Variants in TSACC observed in about 807,000 individuals in gnomAD.
TSACC encodes the protein TSSK6-activating co-chaperone protein.
Under a neutral mutation model 6.9 loss-of-function variants are expected in TSACC, and 3 were observed. The observed-to-expected ratio is 0.43, with a 90% CI of 0.20 to 1.12. TSACC has a LOEUF of 1.12. TSACC is among the 50% of genes most tolerant of loss of function. The pLI, the probability that TSACC is intolerant of heterozygous loss-of-function variation, is 0.28. For missense variants in TSACC, 137 were observed against 143.9 expected, an observed-to-expected ratio of 0.95 and a Z score of 0.24; for synonymous variants, 54 against 55.1, an observed-to-expected ratio of 0.98 and a Z score of 0.09.
chr1:156,340,828 T>C (rs1665837519), intron 2 of TSACC, among the ~76,000 whole-genome samples: 1 of 151,970 alleles, frequency 6.6e-6, no homozygotes, highest in East Asian at 1.9e-4. Context: ...GAGCATGACT[T>C]TGGAGTCTAC....
At chr1:156,345,683 C>T (rs1666130535) in intron 3 of TSACC, among the ~76,000 whole-genome samples, 1 of 151,624 alleles carries the variant, frequency 6.6e-6, no homozygotes, top group South Asian at 2.1e-4. Flanking sequence ...GCCTCACCAA[C>T]ATGGTGAAAC....
rs887973757 is a variant in TSACC at position 156,342,010 on chromosome 1, C to T, written c.34+2219C>T. On this transcript the variant is annotated intron_variant, in intron 2 of 3. Coordinates refer to ENST00000368254, the MANE Select transcript of TSACC (RefSeq NM_001304817.2). Reference sequence around the variant, plus strand: ...CTGGGAGGCGGAGCTTGCAGTGAGCCGAGATGGCACCACTGCACTCCAGCC... The same window carrying T: ...CTGGGAGGCGGAGCTTGCAGTGAGCTGAGATGGCACCACTGCACTCCAGCC... 6.8e-5 allele frequency among the ~76,000 whole-genome samples: 10 copies of T among 146,262 alleles called. No individual in the cohort carries two copies. In the East Asian group the frequency reaches 1.0e-3, roughly 15 times the overall value.
chr1:156,343,735 G>C (rs2764409), intron 2 of TSACC, among the ~76,000 whole-genome samples: 96 of 151,724 alleles, frequency 6.3e-4, no homozygotes, highest in African/African-American at 2.2e-3. Flanking sequence ...CAAGTTTTTT[G>C]TTGTTGTTGT....
At chr1:156,346,235 C>CAATGT (rs1208947514) in intron 3 of TSACC, among the ~76,000 whole-genome samples, 1 of 151,190 alleles carries the variant, frequency 6.6e-6, no homozygotes, top group African/African-American at 2.4e-5. Context: ...AACAATGGAC[C>CAATGT]AATGTAGCAA....
At position 156,339,618 on chromosome 1, in the gene TSACC, A is replaced by G. The variant is rs1021121681; in HGVS notation, c.-124-16A>G. ...GTTTGGCCATGAAATAGAGTTTCCT[A>G]CTTTTTCCTCTGCAGATTGGAACAG... On this transcript the variant is annotated splice_polypyrimidine_tract_variant and intron_variant, in intron 1 of 3. Transcript: ENST00000368254. 15 of 1,023,364 alleles carry G rather than the reference A, an allele frequency of 1.5e-5. No individual in the cohort carries two copies. The highest frequency in any genetic ancestry group is 4.9e-5 in the African/African-American group (3 of 61,722). The allele number at this position is 1,023,364 out of a possible 1,614,324, so 63.4% of individuals were successfully genotyped here. A position where few individuals can be genotyped will look rare whatever the true frequency, so the allele number is the denominator to read the frequency against.
At chr1:156,341,285 T>C (rs77646020) in intron 2 of TSACC, among the ~76,000 whole-genome samples, 1 of 152,324 alleles carries the variant, frequency 6.6e-6, no homozygotes, top group East Asian at 1.9e-4. Context: ...TGTGGAATCT[T>C]GAGCAAATTT....
chr1:156,341,219 G>C (rs976204955), intron 2 of TSACC, among the ~76,000 whole-genome samples: 4 of 152,196 alleles, frequency 2.6e-5, no homozygotes, highest in African/African-American at 9.6e-5. Context: ...ATGGGCTAAG[G>C]GTATAAAGCT....
At chr1:156,338,143 C>G, upstream of TSACC, 2 of 1,583,652 alleles carry the variant, frequency 1.3e-6, no homozygotes, top group South Asian at 2.3e-5. Context: ...CCTGGCATCC[C>G]CAGAACTCAC....
At position 156,344,768 on chromosome 1, in the gene TSACC, G is replaced by A. The variant is rs1025223430; in HGVS notation, c.163+60G>A. 3 of 1,584,772 alleles carry A rather than the reference G, an allele frequency of 1.9e-6. No individual in the cohort carries two copies. In the Admixed American group the frequency reaches 5.2e-5, roughly 28 times the overall value. On this transcript the variant is annotated intron_variant, in intron 3 of 3. Transcript: ENST00000368254. ...ACAGGGGGAAGGGTTGCATGGAGGA[G>A]GTGGCTTGAGCTGTCGCCTATTGAT...
At chr1:156,341,414 T>G (rs185778635) in intron 2 of TSACC, among the ~76,000 whole-genome samples, 3 of 152,292 alleles carry the variant, frequency 2.0e-5, no homozygotes, top group African/African-American at 7.2e-5. Context: ...TGTAATAGTT[T>G]GTGTGCTTGA....
At chr1:156,345,158 C>G (rs537673743) in intron 3 of TSACC, among the ~76,000 whole-genome samples, 2 of 152,358 alleles carry the variant, frequency 1.3e-5, no homozygotes, top group East Asian at 1.9e-4. Flanking sequence ...ACTAACTAGA[C>G]AGTCATAACC....
chr1:156,343,038 C>G (rs531568208), intron 2 of TSACC, among the ~76,000 whole-genome samples: 8 of 152,246 alleles, frequency 5.3e-5, no homozygotes, highest in Admixed American at 2.6e-4. Flanking sequence ...GTTTTTCTCT[C>G]TCTGTTTTTT....
Position 156,339,675 on chromosome 1 carries a change from TATC to T in TSACC, c.-80_-78del. On this transcript the variant is annotated 5_prime_UTR_variant, in exon 2 of 4. Coordinates refer to ENST00000368254, the MANE Select transcript of TSACC (RefSeq NM_001304817.2). ...ATCTGCTGGAGACAACTTAGGAAAT[TATC>T]ATAGTGAAAATACTAACATGGATTG... 3.8e-6 allele frequency: 6 copies of T among 1,573,072 alleles called. No homozygotes were observed. The highest frequency in any genetic ancestry group is 1.1e-5 in the South Asian group (1 of 88,822).
At chr1:156,343,153 T>G (rs1665987247) in intron 2 of TSACC, among the ~76,000 whole-genome samples, 1 of 152,204 alleles carries the variant, frequency 6.6e-6, no homozygotes. Flanking sequence ...TCTGGCTGTT[T>G]TTCTGGGCAC....
upstream of TSACC, chr1:156,338,487 G>T (rs1388759678): frequency 1.1e-5 from 6 of 526,002 alleles, no homozygotes; most frequent in East Asian, 6.3e-5. Context: ...TCCCGGCCGC[G>T]TGCAGCGCGA....
At chr1:156,345,929 C>A (rs570344792) in intron 3 of TSACC, among the ~76,000 whole-genome samples, 2 of 151,090 alleles carry the variant, frequency 1.3e-5, no homozygotes, top group African/African-American at 4.9e-5. Context: ...TGCAGTGGCT[C>A]ACACTTGTAA....
intron 2 of TSACC, among the ~76,000 whole-genome samples, chr1:156,342,101 C>A (rs1403177717): frequency 1.3e-5 from 2 of 152,004 alleles, no homozygotes; most frequent in African/African-American, 4.8e-5. Context: ...AATGCATTCT[C>A]CTATGTCCAG....
Position 156,346,782 on chromosome 1 carries a change from A to C in TSACC, c.178A>C (p.Lys60Gln), listed in dbSNP as rs771869647. The change falls in exon 4 of 4, where the codon AAG becomes CAG. Residue 60 changes from lysine to glutamine, a missense_variant. Physicochemically the swap from Lys to Gln is moderately conservative, Grantham distance 53. Coordinates refer to ENST00000368254, the MANE Select transcript of TSACC (RefSeq NM_001304817.2). ...TCCTTCTGGAGTTGATCACAAGCCC[A>C]AGGAATGCCTAGGACTCCTGGAATG... ...TKLPSVDHKP[K>Q]ECLGLLECMY... 27 of 1,613,992 alleles carry C rather than the reference A, an allele frequency of 1.7e-5. No individual in the cohort carries two copies. The highest frequency in any genetic ancestry group is 2.0e-5 in the Non-Finnish European group (24 of 1,179,996).
chr1:156,341,407 A>C (rs1301027747), intron 2 of TSACC, among the ~76,000 whole-genome samples: 4 of 152,170 alleles, frequency 2.6e-5, no homozygotes, highest in Non-Finnish European at 5.9e-5. Flanking sequence ...ACTGAAATGT[A>C]ATAGTTTGTG....
Sources: gnomAD v4.1 joint callset for allele counts (sites outside exome capture counted in the v4.1 genomes callset) on GRCh38, gnomAD v4.1.1 for gene constraint, MANE v1.5 for transcripts, NCBI Gene and HGNC (gene_info 2026-07-23, HGNC 2026-07-21) for gene names.